Variants in APPL1 observed in about 807,000 individuals in gnomAD.
APPL1 encodes the protein DCC-interacting protein 13-alpha.
A neutral mutation model predicts 106.8 loss-of-function variants in APPL1; 42 were observed. The ratio of observed to expected loss-of-function variants is 0.39; its 90% CI spans 0.31 to 0.51. The LOEUF is 0.51. APPL1 is among the 20% of genes least tolerant of loss of function. The pLI is 0.75. For synonymous variants in APPL1, 263 were observed against 281.8 expected (o/e 0.93, Z 0.67); for missense variants, 769 against 858.2 (o/e 0.90, Z 1.30).
At chr3:57,237,466 T>A in intron 2 of APPL1, 26 bp from the exon 3 acceptor site, 1 of 1,570,528 alleles carries the variant, frequency 6.4e-7, no homozygotes, top group Admixed American at 1.8e-5. Flanking sequence ...CCCAGTAATA[T>A]GCTAATTTGA....
In APPL1 at chr3:57,269,937, T is replaced by C. The variant is rs550633840; in HGVS notation, c.*250T>C. ...ACCTGCTCATCTCCCTGAAGCAGACTGCTGAGGAATTACATTTGCTCAAGA... is the reference window on the plus strand; with the variant it reads ...ACCTGCTCATCTCCCTGAAGCAGACCGCTGAGGAATTACATTTGCTCAAGA... On this transcript the variant is annotated 3_prime_UTR_variant, in exon 22 of 22. Transcript: ENST00000288266. 1.7e-5 allele frequency: 5 copies of C among 288,496 alleles called. No homozygotes were observed. In the East Asian group the frequency reaches 3.0e-4, roughly 18 times the overall value. The allele number at this position is 288,496 out of a possible 1,614,324, so 17.9% of individuals were successfully genotyped here.
chr3:57,230,266 T>A (rs1204218271), intron 1 of APPL1, among the ~76,000 whole-genome samples: 1 of 152,192 alleles, frequency 6.6e-6, no homozygotes, highest in Non-Finnish European at 1.5e-5. Context: ...TCATTCAACT[T>A]CTCTGAACCT....
At chr3:57,245,215 TC>T (rs1162210986) in intron 7 of APPL1, among the ~76,000 whole-genome samples, 1 of 152,172 alleles carries the variant, frequency 6.6e-6, no homozygotes, top group East Asian at 1.9e-4. Flanking sequence ...ACTTGAGGAT[TC>T]TAAGGAAAGC....
rs1197845122 is a variant in APPL1, at chr3:57,248,331, T to A, written c.843T>A (p.Ala281=). 6.2e-7 allele frequency: 1 copy of A among 1,614,172 alleles called. No homozygotes were observed. Residue 281 remains alanine, a synonymous_variant, in exon 10 of 22, where the codon GCT becomes GCA. Coordinates refer to ENST00000288266, the MANE Select transcript of APPL1 (RefSeq NM_012096.3). The part of the protein sequence containing the change: ...FPVNRNLTRK[A]GYLNARNKTG... ...TTAATCGAAATTTAACCCGAAAGGC[T>A]GGATACCTTAATGCTAGGAAGTAAG...
chr3:57,264,598 T>TA (rs2060884966), intron 19 of APPL1, among the ~76,000 whole-genome samples: 1 of 150,532 alleles, frequency 6.6e-6, no homozygotes, highest in African/African-American at 2.4e-5. Context: ...AAAATTTTTT[T>TA]AAAAAATATT....
chr3:57,255,092 C>A (rs927809243), intron 13 of APPL1, among the ~76,000 whole-genome samples: 3 of 152,134 alleles, frequency 2.0e-5, no homozygotes, highest in African/African-American at 7.2e-5. Flanking sequence ...CCAGATGAAC[C>A]CTGAAGTGTA....
At chr3:57,247,530 C>T in intron 9 of APPL1, 53 bp downstream of exon 9, 1 of 1,099,492 alleles carries the variant, frequency 9.1e-7, no homozygotes, top group Admixed American at 2.0e-5. Flanking sequence ...ATGATAACAG[C>T]TCAATGACAT....
chr3:57,241,450 C>A lies in APPL1; in HGVS notation c.374-651C>A, dbSNP rs1016837376. 3.3e-5 allele frequency among the ~76,000 whole-genome samples: 5 copies of A among 152,104 alleles called. No individual in the cohort carries two copies. In the East Asian group the frequency reaches 7.7e-4, roughly 23 times the overall value. On this transcript the variant is annotated intron_variant, in intron 5 of 21. Transcript: ENST00000288266. ...TTGTAATCTCAGCCATACACACTTA[C>A]TTCCAAAATATGTAGAGAGATTAAA... is the stretch of plus-strand genomic sequence containing the variant.
intron 19 of APPL1, among the ~76,000 whole-genome samples, chr3:57,264,022 TC>T (rs2060882193): frequency 6.6e-6 from 1 of 152,216 alleles, no homozygotes; most frequent in African/African-American, 2.4e-5. Context: ...GTACAAGGGT[TC>T]CCTTTTCTCC....
intron 3 of APPL1, 21 bp downstream of exon 3, chr3:57,237,572 A>G (rs1043362457): frequency 1.3e-6 from 2 of 1,531,570 alleles, no homozygotes; most frequent in Non-Finnish European, 1.8e-6. Flanking sequence ...TCAAAGTTTT[A>G]AAAGCATAAT....
In APPL1 at chr3:57,248,364, T is replaced by A. The variant is rs1185183753; in HGVS notation, c.863+13T>A. 1.2e-6 allele frequency: 2 copies of A among 1,611,194 alleles called. No homozygotes were observed. The highest frequency in any genetic ancestry group is 1.7e-6 in the Non-Finnish European group (2 of 1,178,414). On this transcript the variant is annotated intron_variant, in intron 10 of 21. Coordinates refer to ENST00000288266, the MANE Select transcript of APPL1 (RefSeq NM_012096.3). ...TTAATGCTAGGAAGTAAGAAAACTA[T>A]TGTTATTTTTGTATATTGTGTATCA...
Position 57,246,212 on chromosome 3 carries a change from T to C in APPL1, c.611T>C (p.Met204Thr). The C allele has an allele frequency of 2.5e-6, 4 of 1,599,724 alleles. No individual in the cohort carries two copies. Among genetic ancestry groups the C allele is most frequent in the Non-Finnish European group, 3.4e-6 (4 of 1,175,418 alleles). ...IALLEPLLGYMQAQISFFKMG... is the reference protein window; with the variant it reads ...IALLEPLLGYTQAQISFFKMG... ...TTGTTAGAACCTCTACTTGGGTACA[T>C]GCAAGCTCAGGTAAATACTGTACTG... The change falls in exon 8 of 22, where the codon ATG (methionine) becomes ACG (threonine). Residue 204 changes from methionine to threonine, a missense_variant. Transcript: ENST00000288266.
chr3:57,243,565 C>A (rs2060757608), intron 7 of APPL1, among the ~76,000 whole-genome samples: 1 of 152,192 alleles, frequency 6.6e-6, no homozygotes, highest in African/African-American at 2.4e-5. Flanking sequence ...CTGGTGGAAA[C>A]ACAGTGACTG....
rs2060659827 is a variant in APPL1 at position 57,227,824 on chromosome 3, C to T, written c.-60C>T. ...GCCGGGGTCAGCTGCGGCGGGCGGG[C>T]CGGCGCGGGGAGCTGTGGGCGGCAG... On this transcript the variant is annotated 5_prime_UTR_variant, in exon 1 of 22. Transcript: ENST00000288266. 2.9e-6 allele frequency: 4 copies of T among 1,378,992 alleles called. No individual in the cohort carries two copies. The highest frequency in any genetic ancestry group is 3.8e-6 in the Non-Finnish European group (4 of 1,049,016). 85.4% of individuals were successfully genotyped at this position (1,378,992 alleles called of 1,614,324 possible). A position where few individuals can be genotyped will look rare whatever the true frequency, so the allele number is the denominator to read the frequency against.
At chr3:57,256,180 G>T (rs1344303160) in intron 13 of APPL1, among the ~76,000 whole-genome samples, 1 of 152,156 alleles carries the variant, frequency 6.6e-6, no homozygotes, top group East Asian at 1.9e-4. Context: ...TTGCACGCCA[G>T]CCTGGGCAAT....
chr3:57,264,578 A>T (rs1027698341), intron 19 of APPL1, among the ~76,000 whole-genome samples: 3 of 146,206 alleles, frequency 2.1e-5, no homozygotes, highest in East Asian at 1.9e-4. Context: ...AAAAATAAAA[A>T]AAATAAAAAA....
rs972079672 is a variant in APPL1, at chr3:57,268,601, C to T, written c.1983+114C>T. ...AGGGCTGTTTCTGCTTGTTCAGCCACTTCATAAACAGATGATTCATACCAT... is the reference window on the plus strand; with the variant it reads ...AGGGCTGTTTCTGCTTGTTCAGCCATTTCATAAACAGATGATTCATACCAT... On this transcript the variant is annotated intron_variant, in intron 21 of 21. Transcript: ENST00000288266. The T allele has an allele frequency of 5.7e-6, 7 of 1,226,562 alleles. No individual in the cohort carries two copies. In the African/African-American group the frequency reaches 1.1e-4, roughly 18 times the overall value. 76.0% of individuals were successfully genotyped at this position (1,226,562 alleles called of 1,614,324 possible).
rs902135519 is a variant in APPL1 at position 57,248,484 on chromosome 3, T to C, written c.863+133T>C. 3 of 985,824 alleles carry C rather than the reference T, an allele frequency of 3.0e-6. No homozygotes were observed. The East Asian group carries it at 7.9e-5, about 26-fold the overall frequency. 61.1% of individuals were successfully genotyped at this position (985,824 alleles called of 1,614,324 possible). On this transcript the variant is annotated intron_variant, in intron 10 of 21. Transcript: ENST00000288266. ...GAAACTTTTTAGAGGTGTTAGTATT[T>C]ATGTGAACTTTTTGACAGATGAAGT...
At chr3:57,230,885 AATTTTATTTT>A (rs1173088277) in intron 1 of APPL1, 2 of 320,094 alleles carry the variant, frequency 6.2e-6, no homozygotes, top group South Asian at 5.4e-5. Context: ...AAGCTCAGCT[AATTTTATTTT>A]ATTTTATTTT....
Sources: allele counts gnomAD v4.1 joint callset (sites outside exome capture counted in the v4.1 genomes callset), GRCh38; gene constraint gnomAD v4.1.1; transcripts MANE v1.5; gene names NCBI Gene and HGNC (gene_info 2026-07-23, HGNC 2026-07-21).